The following DPP10 variants were observed in gnomAD, a reference collection of about 807,000 sequenced individuals.
The protein encoded by DPP10 is inactive dipeptidyl peptidase 10.
A neutral mutation model predicts 120.9 loss-of-function variants in DPP10; 33 were observed. The ratio of observed to expected loss-of-function variants is 0.27; its 90% CI spans 0.21 to 0.37. The LOEUF (loss-of-function observed/expected upper bound fraction) is 0.37, where lower values mean the gene tolerates loss of function less well. Among genes scored for constraint, DPP10 ranks in the 10% least tolerant of loss-of-function variants. DPP10 has a pLI of 1.00. For synonymous variants in DPP10, 337 were observed against 326.1 expected (o/e 1.03, Z -0.36); for missense variants, 816 against 942.8 (o/e 0.87, Z 1.76).
chr2:114,646,498 GC>G (rs1179114357), intron 1 of DPP10, among the ~76,000 whole-genome samples: 1 of 152,106 alleles, frequency 6.6e-6, no homozygotes, highest in Non-Finnish European at 1.5e-5. Flanking sequence ...CACTCTCTTA[GC>G]CGTCTCCCAG....
intron 5 of DPP10, among the ~76,000 whole-genome samples, chr2:115,533,367 G>A (rs543780041): frequency 1.3e-5 from 2 of 152,138 alleles, no homozygotes; most frequent in South Asian, 2.1e-4. Flanking sequence ...CTCTAAATTC[G>A]ATGCTCTGCA....
intron 5 of DPP10, among the ~76,000 whole-genome samples, chr2:115,564,970 T>C (rs143991661): frequency 6.6e-4 from 100 of 152,230 alleles, no homozygotes; most frequent in African/African-American, 2.3e-3. Flanking sequence ...CCTGTTTTCA[T>C]TGGGAGAGGG....
chr2:115,503,231 G>C (rs1575037092), intron 4 of DPP10, among the ~76,000 whole-genome samples: 1 of 152,094 alleles, frequency 6.6e-6, no homozygotes, highest in Non-Finnish European at 1.5e-5. Flanking sequence ...TTACAAAATA[G>C]TAGGTTTGGG....
chr2:115,257,976 C>T (rs2105727173), intron 1 of DPP10, among the ~76,000 whole-genome samples: 1 of 152,200 alleles, frequency 6.6e-6, no homozygotes, highest in African/African-American at 2.4e-5. Flanking sequence ...ATTCCACTTG[C>T]AATTAAAATA....
At chr2:114,825,345 G>A (rs1389157097) in intron 1 of DPP10, among the ~76,000 whole-genome samples, 1 of 152,222 alleles carries the variant, frequency 6.6e-6, no homozygotes, top group East Asian at 1.9e-4. Flanking sequence ...GGCATATTTA[G>A]TCTGCTTTGC....
chr2:115,293,462 C>T (rs368300000), intron 1 of DPP10, among the ~76,000 whole-genome samples: 1 of 152,072 alleles, frequency 6.6e-6, no homozygotes, highest in Non-Finnish European at 1.5e-5. Flanking sequence ...ATTCAGTTAA[C>T]CGTGACGTAG....
At chr2:115,375,878 C>T (rs903197672) in intron 3 of DPP10, among the ~76,000 whole-genome samples, 1 of 152,182 alleles carries the variant, frequency 6.6e-6, no homozygotes, top group Non-Finnish European at 1.5e-5. Context: ...CACCCATGAT[C>T]CAGTCACCTC....
chr2:115,516,791 A>G (rs1417470205), intron 4 of DPP10, among the ~76,000 whole-genome samples: 2 of 152,124 alleles, frequency 1.3e-5, no homozygotes, highest in Admixed American at 1.3e-4. Context: ...ATTAATATGT[A>G]AAAACTCTTC....
At chr2:115,038,598 T>C (rs1417931026) in intron 1 of DPP10, among the ~76,000 whole-genome samples, 1 of 152,142 alleles carries the variant, frequency 6.6e-6, no homozygotes, top group African/African-American at 2.4e-5. Flanking sequence ...TTATTAGGCT[T>C]CTTCTTTGAG....
rs1011804606 is a variant in DPP10, at chr2:115,415,897, A to G, written c.271+71985A>G. On this transcript the variant is annotated intron_variant, in intron 3 of 25. Coordinates refer to ENST00000410059, the MANE Select transcript of DPP10 (RefSeq NM_020868.6). Reference sequence around the variant, plus strand: ...TATATGCACACACACACATACATTCATATTTATTTTAATGGGCAAAATATT... The same window carrying G: ...TATATGCACACACACACATACATTCGTATTTATTTTAATGGGCAAAATATT... Among the ~76,000 whole-genome samples, 4 of 145,092 alleles carry G rather than the reference A, an allele frequency of 2.8e-5. No homozygotes were observed. The Admixed American group carries it at 2.8e-4, about 10-fold the overall frequency.
At chr2:114,881,606 A>ATCTATCTATCTG (rs1691647301) in intron 1 of DPP10, among the ~76,000 whole-genome samples, 1 of 147,838 alleles carries the variant, frequency 6.8e-6, no homozygotes, top group Non-Finnish European at 1.5e-5. Flanking sequence ...CTGTCTATCT[A>ATCTATCTATCTG]TCTATCTATC....
chr2:115,804,017 G>A (rs1685600515), intron 19 of DPP10, among the ~76,000 whole-genome samples: 2 of 152,134 alleles, frequency 1.3e-5, no homozygotes, highest in Non-Finnish European at 2.9e-5. Context: ...ATAATATCCT[G>A]CAGAGTGTTT....
At chr2:115,077,966 T>C (rs1252294150) in intron 1 of DPP10, among the ~76,000 whole-genome samples, 1 of 152,222 alleles carries the variant, frequency 6.6e-6, no homozygotes, top group East Asian at 1.9e-4. Context: ...TCTACAACTA[T>C]CAACCTAATC....
chr2:115,656,317 CAG>C (rs2088335282), intron 5 of DPP10, among the ~76,000 whole-genome samples: 1 of 151,422 alleles, frequency 6.6e-6, no homozygotes, highest in African/African-American at 2.4e-5. Context: ...CAGAATAAGA[CAG>C]AGATGGATTG....
rs1320431853 is a variant in DPP10 at position 115,689,861 on chromosome 2, T to C, written c.516T>C (p.Pro172=). 1 of 1,613,876 alleles carries C rather than the reference T, an allele frequency of 6.2e-7. No homozygotes were observed. Among genetic ancestry groups the C allele is most frequent in the Non-Finnish European group, 8.5e-7 (1 of 1,179,950 alleles). ...CAAGGGAAGTTTGGGAGTTAAATCC[T>C]CCAGAAGTAGAGGACTCCGTCTTGC... ...IHTREVWELN[P]PEVEDSVLQY... The change falls in exon 7 of 26, where the codon CCT becomes CCC. Residue 172 remains proline, a synonymous_variant. Coordinates refer to ENST00000410059, the MANE Select transcript of DPP10 (RefSeq NM_020868.6).
intron 3 of DPP10, among the ~76,000 whole-genome samples, chr2:115,406,058 C>A (rs2068487442): frequency 6.6e-6 from 1 of 152,216 alleles, no homozygotes; most frequent in African/African-American, 2.4e-5. Context: ...ACCACATGGT[C>A]AAGCAATAAA....
chr2:114,973,661 C>CAAAAAAAAAAAAAAAAAAAA (rs58042446), intron 1 of DPP10, among the ~76,000 whole-genome samples: 3 of 70,994 alleles, frequency 4.2e-5, no homozygotes, highest in African/African-American at 1.9e-4. Context: ...GACTCCGTCT[C>CAAAAAAAAAAAAAAAAAAAA]AAAAAAAAAA....
intron 7 of DPP10, among the ~76,000 whole-genome samples, chr2:115,705,086 A>C (rs11900683): frequency 3.7e-4 from 57 of 152,030 alleles, no homozygotes; most frequent in African/African-American, 1.3e-3. Context: ...TTTATCTTAA[A>C]ATTTTATTAA....
At chr2:114,963,386 G>A (rs1157560061) in intron 1 of DPP10, among the ~76,000 whole-genome samples, 6 of 151,874 alleles carry the variant, frequency 4.0e-5, no homozygotes, top group Admixed American at 3.3e-4. Context: ...TATGTCAAAG[G>A]AAAAAAAGCG....
Sources: allele counts gnomAD v4.1 joint callset (sites outside exome capture counted in the v4.1 genomes callset), GRCh38; gene constraint gnomAD v4.1.1; transcripts MANE v1.5; gene names NCBI Gene and HGNC (gene_info 2026-07-23, HGNC 2026-07-21).